CALCR: variants seen among roughly 807,000 people sequenced by gnomAD.
The protein encoded by CALCR is calcitonin receptor.
Under a neutral mutation model 59.5 loss-of-function variants are expected in CALCR, and 47 were observed. The ratio of observed to expected loss-of-function variants is 0.79; its 90% CI spans 0.63 to 1.01. The LOEUF is 1.01. Among genes scored for constraint, CALCR ranks in the 50% least tolerant of loss-of-function variants. CALCR has a pLI of 0.00. For synonymous variants in CALCR, 213 were observed against 211.3 expected (o/e 1.01, Z -0.07); for missense variants, 566 against 597.1 (o/e 0.95, Z 0.54).
intron 13 of CALCR, among the ~76,000 whole-genome samples, chr7:93,429,930 G>GTTTTTTTTTTTTTTT (rs1491050136): frequency 9.5e-6 from 1 of 105,360 alleles, no homozygotes; most frequent in Admixed American, 1.2e-4. Flanking sequence ...TTTTTTGTTT[G>GTTTTTTTTTTTTTTT]TTTGTTTTTT....
At chr7:93,484,189 AATC>A (rs1800870742) in intron 3 of CALCR, among the ~76,000 whole-genome samples, 1 of 151,810 alleles carries the variant, frequency 6.6e-6, no homozygotes, top group African/African-American at 2.4e-5. Context: ...TATCCACACT[AATC>A]ATGGAATCCA....
At position 93,443,713 on chromosome 7, in the gene CALCR, G is replaced by A; in HGVS notation, c.693C>T (p.Ala231=). ...CACAGAGCATCCAGAAATAGTTGCA[G>A]GCCATCATGTACTGGTGGAAAAAAT... ...ILHFFHQYMM[A]CNYFWMLCEG... Residue 231 remains alanine, a synonymous_variant, in exon 9 of 14, where the codon GCC becomes GCT. Coordinates refer to ENST00000426151, the MANE Select transcript of CALCR (RefSeq NM_001742.4). The A allele has an allele frequency of 6.2e-7, 1 of 1,612,810 alleles. No individual in the cohort carries two copies. Among genetic ancestry groups the A allele is most frequent in the Non-Finnish European group, 8.5e-7 (1 of 1,178,948 alleles).
intron 2 of CALCR, among the ~76,000 whole-genome samples, chr7:93,498,479 C>G (rs768077723): frequency 6.6e-6 from 1 of 151,632 alleles, no homozygotes; most frequent in Non-Finnish European, 1.5e-5. Context: ...TGTAACCTCA[C>G]GTATACTTTA....
intron 7 of CALCR, among the ~76,000 whole-genome samples, chr7:93,468,095 T>A (rs1800477955): frequency 6.6e-6 from 1 of 151,768 alleles, no homozygotes; most frequent in Admixed American, 6.6e-5. Context: ...AATGTACCAT[T>A]CCTGTAAAGA....
At chr7:93,556,778 A>G (rs1584630038) in intron 2 of CALCR, among the ~76,000 whole-genome samples, 1 of 152,030 alleles carries the variant, frequency 6.6e-6, no homozygotes, top group East Asian at 1.9e-4. Flanking sequence ...TGTATGGCAT[A>G]ATACATTTGA....
chr7:93,532,838 C>CAAAAAGAAAAAAAA (rs1788877978), intron 2 of CALCR, among the ~76,000 whole-genome samples: 1 of 95,718 alleles, frequency 1.0e-5, no homozygotes, highest in Non-Finnish European at 2.0e-5. Context: ...ATGTCCAAAG[C>CAAAAAGAAAAAAAA]AAAAAAAAAA....
At chr7:93,489,608 CAAATT>C (rs973496528) in intron 2 of CALCR, among the ~76,000 whole-genome samples, 3 of 151,854 alleles carry the variant, frequency 2.0e-5, no homozygotes, top group African/African-American at 7.2e-5. Flanking sequence ...CACAGAAATA[CAAATT>C]ACCATCAGAG....
intron 9 of CALCR, among the ~76,000 whole-genome samples, chr7:93,440,712 A>T (rs149602834): frequency 1.2e-3 from 181 of 152,236 alleles, no homozygotes; most frequent in African/African-American, 4.0e-3. Context: ...TTCTGGCAAG[A>T]ACAATTAGCA....
intron 2 of CALCR, among the ~76,000 whole-genome samples, chr7:93,540,815 T>C (rs1789115562): frequency 6.6e-6 from 1 of 150,456 alleles, no homozygotes. Context: ...ATCTTTATTA[T>C]ATTTAAGTGG....
At chr7:93,488,792 C>A (rs1199529137) in intron 2 of CALCR, among the ~76,000 whole-genome samples, 1 of 151,316 alleles carries the variant, frequency 6.6e-6, no homozygotes, top group Admixed American at 6.6e-5. Flanking sequence ...CAAAGATACT[C>A]AGACTCCCAC....
intron 2 of CALCR, among the ~76,000 whole-genome samples, chr7:93,491,908 C>A (rs775247948): frequency 4.6e-5 from 7 of 151,818 alleles, no homozygotes; most frequent in Admixed American, 1.3e-4. Flanking sequence ...TGGGTATATA[C>A]CCAAAGGAAT....
At chr7:93,555,110 T>C (rs1170516366) in intron 2 of CALCR, among the ~76,000 whole-genome samples, 2 of 152,024 alleles carry the variant, frequency 1.3e-5, no homozygotes, top group African/African-American at 2.4e-5. Context: ...TCCCTTGGGC[T>C]TGAGGGCTGC....
chr7:93,451,026 CT>C lies in CALCR; in HGVS notation c.649-7270del, dbSNP rs1201848488. 4.5e-3 allele frequency among the ~76,000 whole-genome samples: 656 copies of C among 145,340 alleles called. 3 individuals are homozygous for C. The highest frequency in any genetic ancestry group is 0.016 in the South Asian group (72 of 4,594). ...CCAATTTATCTATTTAGTTGTAATA[CT>C]TTTTTTTTTTTGAGACACTTCCTGC... On this transcript the variant is annotated intron_variant, in intron 8 of 13. Transcript: ENST00000426151.
At chr7:93,508,925 C>A (rs745411519) in intron 2 of CALCR, among the ~76,000 whole-genome samples, 2 of 152,138 alleles carry the variant, frequency 1.3e-5, no homozygotes, top group Admixed American at 1.3e-4. Context: ...ATTTCTGTAG[C>A]GCTGTGTTAA....
At chr7:93,571,620 A>G (rs1220768484) in intron 2 of CALCR, among the ~76,000 whole-genome samples, 4 of 152,148 alleles carry the variant, frequency 2.6e-5, no homozygotes, top group Non-Finnish European at 5.9e-5. Flanking sequence ...CTCTAAATAA[A>G]TGCTGCTGTT....
intron 2 of CALCR, among the ~76,000 whole-genome samples, chr7:93,524,391 T>C (rs561040123): frequency 1.8e-4 from 28 of 152,026 alleles, no homozygotes; most frequent in Admixed American, 5.2e-4. Flanking sequence ...AGGATGGTCT[T>C]GATCTCCTGA....
chr7:93,443,505 G>C (rs903689518), intron 9 of CALCR, 99 bp downstream of exon 9: 11 of 1,144,306 alleles, frequency 9.6e-6, no homozygotes, highest in African/African-American at 3.1e-5. Context: ...GAAGGACCTG[G>C]GACTTGACTC....
At chr7:93,468,688 A>C (rs1223454865) in intron 7 of CALCR, 27 bp downstream of exon 7, 1 of 1,468,128 alleles carries the variant, frequency 6.8e-7, no homozygotes, top group East Asian at 2.3e-5. Context: ...GGAGGAAATA[A>C]AGAGCAGATG....
At chr7:93,471,190 GC>G (rs558868433) in intron 6 of CALCR, among the ~76,000 whole-genome samples, 24 of 151,748 alleles carry the variant, frequency 1.6e-4, no homozygotes, top group Non-Finnish European at 3.5e-4. Context: ...ATTTGGACTT[GC>G]ACTACTTACA....
Sources: gnomAD v4.1 joint callset for allele counts (sites outside exome capture counted in the v4.1 genomes callset) on GRCh38, gnomAD v4.1.1 for gene constraint, MANE v1.5 for transcripts, NCBI Gene and HGNC (gene_info 2026-07-23, HGNC 2026-07-21) for gene names.